The following FRYL variants were observed in gnomAD, a reference collection of about 807,000 sequenced individuals.
The protein encoded by FRYL is FRY like transcription coactivator.
In FRYL, 150 loss-of-function variants were observed where a neutral mutation model predicts 351.2. That is an observed-to-expected ratio of 0.43 (90% CI 0.37 to 0.49). The LOEUF (loss-of-function observed/expected upper bound fraction) is 0.49. FRYL is among the 20% of genes least tolerant of loss of function. The probability of loss-of-function intolerance (pLI) is 0.00; values close to 1 mark genes in which losing one functional copy is unlikely to be tolerated. For missense variants in FRYL, 3,036 were observed against 3,619.3 expected (o/e 0.84, Z 4.13); for synonymous variants, 1,153 against 1,257.1 (o/e 0.92, Z 1.75).
At chr4:48,602,474 C>T (rs75794718) in intron 12 of FRYL, among the ~76,000 whole-genome samples, 3,953 of 152,098 alleles carry the variant, frequency 0.026, 66 homozygotes, top group Admixed American at 0.046. Flanking sequence ...TGTAACTTCA[C>T]GATGGCTACA....
At chr4:48,702,154 A>C (rs1359975013) in intron 2 of FRYL, among the ~76,000 whole-genome samples, 15 of 152,104 alleles carry the variant, frequency 9.9e-5, no homozygotes, top group Non-Finnish European at 2.9e-5. Context: ...GGTTCCTATC[A>C]GTTTTAAAAA....
chr4:48,632,116 A>ATATATATATATATATG (rs1753310013), intron 4 of FRYL, among the ~76,000 whole-genome samples: 1 of 42,834 alleles, frequency 2.3e-5, no homozygotes, highest in Non-Finnish European at 7.0e-5. Context: ...ATATATATAT[A>ATATATATATATATATG]TATATATATA....
chr4:48,753,776 G>A (rs1773491997), intron 1 of FRYL, among the ~76,000 whole-genome samples: 2 of 151,906 alleles, frequency 1.3e-5, no homozygotes, highest in East Asian at 3.9e-4. Context: ...TTCTCATTTA[G>A]GTCTATGATC....
intron 55 of FRYL, 84 bp from the exon 56 acceptor site, chr4:48,515,359 C>T (rs1381253346): frequency 9.8e-7 from 1 of 1,023,496 alleles, no homozygotes; most frequent in African/African-American, 1.6e-5. Flanking sequence ...TGCCATCCAT[C>T]TAAGTCTGTT....
At chr4:48,647,493 A>G (rs1756755835) in intron 3 of FRYL, among the ~76,000 whole-genome samples, 1 of 152,184 alleles carries the variant, frequency 6.6e-6, no homozygotes, top group African/African-American at 2.4e-5. Context: ...CTTATTAGTA[A>G]ACTATGTATT....
chr4:48,534,508 A>G, intron 49 of FRYL, 37 bp downstream of exon 49: 1 of 1,491,416 alleles, frequency 6.7e-7, no homozygotes, highest in Non-Finnish European at 9.2e-7. Context: ...TCATTTTTAG[A>G]TGAAAAATGT....
At chr4:48,596,855 CT>C (rs1347504479) in intron 13 of FRYL, among the ~76,000 whole-genome samples, 167 of 142,612 alleles carry the variant, frequency 1.2e-3, no homozygotes, top group Admixed American at 1.3e-3. Flanking sequence ...TAATAATCTC[CT>C]TTTTTTTTTT....
At chr4:48,562,866 T>C (rs779481344) in intron 32 of FRYL, 23 bp downstream of exon 32, 1 of 1,332,244 alleles carries the variant, frequency 7.5e-7, no homozygotes, top group South Asian at 1.2e-5. Context: ...TAAAAAAATA[T>C]TTAAATTCAC....
At chr4:48,749,093 G>C (rs1366604531) in intron 1 of FRYL, among the ~76,000 whole-genome samples, 1 of 152,226 alleles carries the variant, frequency 6.6e-6, no homozygotes, top group African/African-American at 2.4e-5. Flanking sequence ...AGGTCAGAAA[G>C]GCCGAGAGGG....
intron 2 of FRYL, among the ~76,000 whole-genome samples, chr4:48,689,642 G>A (rs1765499041): frequency 6.6e-6 from 1 of 152,134 alleles, no homozygotes; most frequent in South Asian, 2.1e-4. Flanking sequence ...GGAAAAAAAA[G>A]TGAATAAAAC....
intron 3 of FRYL, among the ~76,000 whole-genome samples, chr4:48,663,822 G>C (rs1761265293): frequency 6.6e-6 from 1 of 151,344 alleles, no homozygotes; most frequent in Non-Finnish European, 1.5e-5. Flanking sequence ...TCCTTGGAGA[G>C]GTTAGAATGC....
chr4:48,634,455 C>A lies in FRYL; in HGVS notation c.-45G>T. The stretch of plus-strand genomic sequence containing the variant: ...CAAGTGGAATGAAAGTTGGAAGAAG[C>A]ACAGTATTTATTTACTTTGCTGACT... On this transcript the variant is annotated 5_prime_UTR_variant, in exon 4 of 64. Transcript: ENST00000358350. 6.2e-7 allele frequency: 1 copy of A among 1,611,022 alleles called. No individual in the cohort carries two copies. Among genetic ancestry groups the A allele is most frequent in the Non-Finnish European group, 8.5e-7 (1 of 1,178,058 alleles).
chr4:48,775,431 A>AT (rs925568861), intron 1 of FRYL, among the ~76,000 whole-genome samples: 11 of 151,576 alleles, frequency 7.3e-5, no homozygotes, highest in South Asian at 4.2e-4. Flanking sequence ...TAAATGAAAG[A>AT]TTTTTTTTTC....
Position 48,500,037 on chromosome 4 carries a change from C to T in FRYL, c.8776G>A (p.Ala2926Thr). 6.3e-7 allele frequency: 1 copy of T among 1,581,668 alleles called. No individual in the cohort carries two copies. The highest frequency in any genetic ancestry group is 8.5e-7 in the Non-Finnish European group (1 of 1,170,360). ...AATCCCGTCACGTTTTACCTGAAAG[C>T]TTTGACTTGTGCTACAGCTGATATA... The part of the protein sequence containing the change: ...EFISAVAQVK[A>T]FRSLWPSDIF... The change falls in exon 63 of 64, where the codon GCT (alanine) becomes ACT (threonine). Residue 2926 changes from alanine (A) to threonine (T), a missense_variant. By Grantham distance (58) the Ala-to-Thr change is moderately conservative. Around this residue, in one of 7 missense-constraint regions of FRYL, gnomAD observed 1,987 missense variants for 2,311.7 expected, o/e 0.86. Coordinates refer to ENST00000358350, the MANE Select transcript of FRYL (RefSeq NM_015030.2).
intron 1 of FRYL, among the ~76,000 whole-genome samples, chr4:48,740,262 A>G (rs1268410713): frequency 6.6e-6 from 1 of 151,850 alleles, no homozygotes; most frequent in Non-Finnish European, 1.5e-5. Flanking sequence ...AAGAACTCTT[A>G]AAATTCAACA....
At chr4:48,745,740 CT>C (rs1772603002) in intron 1 of FRYL, among the ~76,000 whole-genome samples, 1 of 151,840 alleles carries the variant, frequency 6.6e-6, no homozygotes, top group Non-Finnish European at 1.5e-5. Context: ...TACCCTAGAA[CT>C]TAAATAATAA....
rs113590868 is a variant in FRYL at position 48,614,474 on chromosome 4, C to T, written c.412-4651G>A. 6.1e-3 allele frequency among the ~76,000 whole-genome samples: 936 copies of T among 152,222 alleles called. 12 individuals are homozygous for T. The highest frequency in any genetic ancestry group is 0.021 in the African/African-American group (876 of 41,536). The stretch of plus-strand genomic sequence containing the variant: ...CAATGGCACACGCCTGTAATCCCTG[C>T]ACTTTGGGAGGCCAAGGCAAGCGGA... On this transcript the variant is annotated intron_variant, in intron 7 of 63. Coordinates refer to ENST00000358350, the MANE Select transcript of FRYL (RefSeq NM_015030.2).
chr4:48,648,630 T>A (rs1314506758), intron 3 of FRYL, among the ~76,000 whole-genome samples: 3 of 152,140 alleles, frequency 2.0e-5, no homozygotes, highest in Non-Finnish European at 4.4e-5. Context: ...AATTTACTAC[T>A]CTATAAAACA....
chr4:48,570,606 G>T (rs1738066145), intron 27 of FRYL, among the ~76,000 whole-genome samples: 1 of 152,148 alleles, frequency 6.6e-6, no homozygotes, highest in Non-Finnish European at 1.5e-5. Flanking sequence ...TCCATTTTTT[G>T]CCAGAAGCAA....
Sources: allele counts gnomAD v4.1 joint callset (sites outside exome capture counted in the v4.1 genomes callset), GRCh38; gene constraint gnomAD v4.1.1; regional missense constraint gnomAD v4.1.1; transcripts MANE v1.5; gene names NCBI Gene and HGNC (gene_info 2026-07-23, HGNC 2026-07-21).